AKAP7: variants seen among roughly 807,000 people sequenced by gnomAD.
AKAP7 encodes A kinase (PRKA) anchor protein 7.
AKAP7 carries 39 observed loss-of-function variants against 39.5 expected under a neutral mutation model. That is an observed-to-expected ratio of 0.99 (90% confidence interval 0.76 to 1.29). The LOEUF (loss-of-function observed/expected upper bound fraction) is 1.29. Ranked by LOEUF, AKAP7 falls within the 50% of genes most tolerant of loss-of-function variation. The pLI, the probability that AKAP7 is intolerant of heterozygous loss-of-function variation, is 0.00. For missense variants in AKAP7, 414 were observed against 407.7 expected (o/e 1.02, Z -0.13); for synonymous variants, 140 against 139.1 (o/e 1.01, Z -0.05).
chr6:131,194,878 T>A (rs572117225), intron 5 of AKAP7, among the ~76,000 whole-genome samples: 26 of 152,298 alleles, frequency 1.7e-4, no homozygotes, highest in African/African-American at 6.0e-4. Flanking sequence ...TGGTTCCCAT[T>A]GGCATGGGAT....
At chr6:131,228,655 C>A (rs546799415) in intron 7 of AKAP7, among the ~76,000 whole-genome samples, 3 of 152,038 alleles carry the variant, frequency 2.0e-5, no homozygotes, top group South Asian at 4.2e-4. Flanking sequence ...GTTTTAAATT[C>A]TTTTAAAATA....
intron 1 of AKAP7, among the ~76,000 whole-genome samples, chr6:131,141,539 G>T (rs1398475341): frequency 6.6e-6 from 1 of 152,190 alleles, no homozygotes; most frequent in South Asian, 2.1e-4. Flanking sequence ...AAAGAGCAGG[G>T]TGTTGCTGTA....
the AKAP7 span, among the ~76,000 whole-genome samples, chr6:131,129,141 G>C: frequency 6.6e-6 from 1 of 152,040 alleles, no homozygotes; most frequent in East Asian, 1.9e-4. Context: ...ACAAAAATTA[G>C]CCAGGTGTGG....
At chr6:131,253,655 TCTA>T (rs1232132629) in intron 7 of AKAP7, among the ~76,000 whole-genome samples, 2 of 132,734 alleles carry the variant, frequency 1.5e-5, no homozygotes, top group Non-Finnish European at 3.4e-5. Flanking sequence ...CTCCATGAGA[TCTA>T]CTTATTTATT....
chr6:131,205,897 G>T (rs550679118), intron 6 of AKAP7, among the ~76,000 whole-genome samples: 2 of 152,242 alleles, frequency 1.3e-5, no homozygotes, highest in East Asian at 3.9e-4. Flanking sequence ...TAAAGTTCAG[G>T]TTATTTGTAG....
At chr6:131,169,303 T>A in intron 5 of AKAP7, 30 bp downstream of exon 5, 1 of 1,606,140 alleles carries the variant, frequency 6.2e-7, no homozygotes, top group East Asian at 2.2e-5. Context: ...ATATGAAATC[T>A]TGTCTGTTGG....
chr6:131,160,441 C>T (rs751760746), intron 3 of AKAP7, among the ~76,000 whole-genome samples: 2 of 152,230 alleles, frequency 1.3e-5, no homozygotes, highest in Non-Finnish European at 2.9e-5. Context: ...TGCAGTGGCA[C>T]AGTCATAGCT....
At chr6:131,224,234 T>C (rs1192583150) in intron 7 of AKAP7, among the ~76,000 whole-genome samples, 1 of 152,228 alleles carries the variant, frequency 6.6e-6, no homozygotes, top group East Asian at 1.9e-4. Context: ...ATAGATATTA[T>C]TGATTTTATC....
At chr6:131,200,882 T>G (rs1807490307) in intron 6 of AKAP7, 1 of 152,206 alleles carries the variant, frequency 6.6e-6, no homozygotes, top group African/African-American at 2.4e-5. Flanking sequence ...GTTTCAAACT[T>G]AATCACAGAA....
intron 7 of AKAP7, chr6:131,242,107 G>A: frequency 1.0e-6 from 1 of 983,246 alleles, no homozygotes; most frequent in Middle Eastern, 5.3e-4. Context: ...CTGAGTGTGA[G>A]CAACTGAGAA....
intron 4 of AKAP7, among the ~76,000 whole-genome samples, 156 bp downstream of exon 4, chr6:131,165,373 A>G (rs1394600489): frequency 6.6e-6 from 1 of 152,200 alleles, no homozygotes; most frequent in African/African-American, 2.4e-5. Flanking sequence ...AACTGTATAA[A>G]TATTCTTTTT....
At chr6:131,278,810 G>A (rs1814961897) in intron 7 of AKAP7, among the ~76,000 whole-genome samples, 3 of 152,156 alleles carry the variant, frequency 2.0e-5, no homozygotes, top group Non-Finnish European at 4.4e-5. Context: ...TTACAGTTCC[G>A]CAGGAGATTT....
intron 4 of AKAP7, among the ~76,000 whole-genome samples, chr6:131,168,814 G>A (rs1803752671): frequency 6.6e-6 from 1 of 152,080 alleles, no homozygotes; most frequent in South Asian, 2.1e-4. Flanking sequence ...AATTTTTTGA[G>A]TTGTTCATAT....
chr6:131,147,907 T>C (rs1165689739), intron 2 of AKAP7, among the ~76,000 whole-genome samples: 3 of 152,222 alleles, frequency 2.0e-5, no homozygotes, highest in African/African-American at 7.2e-5. Context: ...TAGCTTCTAC[T>C]AGCGATGGAA....
chr6:131,185,196 T>G, intron 5 of AKAP7: 1 of 489,670 alleles, frequency 2.0e-6, no homozygotes, highest in Non-Finnish European at 3.9e-6. Flanking sequence ...TGTGTCTGGC[T>G]TAATAGGTGG....
intron 3 of AKAP7, chr6:131,164,597 C>T (rs1351999701): frequency 2.9e-6 from 1 of 349,030 alleles, no homozygotes. Flanking sequence ...TCTTAAAGGC[C>T]ATGAGGAACG....
intron 5 of AKAP7, chr6:131,185,094 G>C: frequency 1.5e-6 from 1 of 671,914 alleles, no homozygotes; most frequent in Non-Finnish European, 2.8e-6. Context: ...GGGATCTGGG[G>C]TACCTCGCTT....
At position 131,148,472 on chromosome 6, in the gene AKAP7, C is replaced by A. The variant is rs976167731; in HGVS notation, c.151+3056C>A. 2.4e-4 allele frequency among the ~76,000 whole-genome samples: 5 copies of A among 20,550 alleles called. No homozygotes were observed. The African/African-American group carries it at 3.3e-3, about 14-fold the overall frequency. The allele number at this position is 20,550 out of a possible 152,430, so 13.5% of individuals were successfully genotyped here. On this transcript the variant is annotated intron_variant, in intron 2 of 7. Transcript: ENST00000431975. The stretch of plus-strand genomic sequence containing the variant: ...GACACTTAAAGTGTGGATAAAAATT[C>A]CCCCCCCCGTTTATCTCATAGTGTT...
upstream of AKAP7, among the ~76,000 whole-genome samples, chr6:131,134,790 A>C (rs1426803920): frequency 2.0e-5 from 3 of 152,344 alleles, no homozygotes; most frequent in South Asian, 6.2e-4. Context: ...AACATAAGCG[A>C]AGTGTTATTA....
Sources: allele counts gnomAD v4.1 joint callset (sites outside exome capture counted in the v4.1 genomes callset), GRCh38; gene constraint gnomAD v4.1.1; transcripts MANE v1.5; gene names NCBI Gene and HGNC (gene_info 2026-07-23, HGNC 2026-07-21).